The following CSH1 variants were observed in gnomAD, a reference collection of about 807,000 sequenced individuals.
CSH1 encodes the protein chorionic somatomammotropin hormone 1.
Under a neutral mutation model 19.4 loss-of-function variants are expected in CSH1, and 17 were observed. The observed-to-expected ratio is 0.88, with a 90% CI of 0.60 to 1.31. The LOEUF (loss-of-function observed/expected upper bound fraction) is 1.31, where lower values mean the gene tolerates loss of function less well. Ranked by LOEUF, CSH1 falls within the 40% of genes most tolerant of loss-of-function variation. The pLI, the probability that CSH1 is intolerant of heterozygous loss-of-function variation, is 0.00. For synonymous variants in CSH1, 72 were observed against 104.6 expected (o/e 0.69, Z 1.90); for missense variants, 190 against 243.1 (o/e 0.78, Z 1.45).
intron 4 of CSH1, 83 bp from the exon 5 acceptor site, chr17:63,895,302 C>G (rs753320385): frequency 1.2e-6 from 2 of 1,612,744 alleles, no homozygotes; most frequent in South Asian, 1.1e-5. Context: ...TTCCTCCCTC[C>G]CCTTCAGGGT....
Position 63,896,337 on chromosome 17 carries a change from C to T in CSH1, c.11-102G>A, listed in dbSNP as rs552934536. 1.4e-5 allele frequency: 22 copies of T among 1,603,456 alleles called. No individual in the cohort carries two copies. In the African/African-American group the frequency reaches 2.7e-4, roughly 20 times the overall value. On this transcript the variant is annotated intron_variant, in intron 1 of 4. Transcript: ENST00000316193. ...GTTTTTTTTCTCTCTCTCCATCCCT[C>T]CAGAGACCAGGAACATTCAGAGATT... is the stretch of plus-strand genomic sequence containing the variant.
rs759411426 is a variant in CSH1 at position 63,895,126 on chromosome 17, T to C, written c.550A>G (p.Lys184Glu). Residue 184 changes from lysine (K) to glutamate (E), a missense_variant, in exon 5 of 5, where the codon AAG becomes GAG. Around this residue, in one of 3 missense-constraint regions of CSH1, gnomAD observed 175 missense variants for 187.2 expected, o/e 0.93. Transcript: ENST00000316193. ...TNSHNHDALL[K>E]NYGLLYCFRK... ...AAGCAGTAGAGCAGCCCGTAGTTCT[T>C]GAGCAGTGCGTCATGGTTGTGCGAG... 1 of 1,612,798 alleles carries C rather than the reference T, an allele frequency of 6.2e-7. No individual in the cohort carries two copies. Among genetic ancestry groups the C allele is most frequent in the South Asian group, 1.1e-5 (1 of 91,066 alleles).
chr17:63,896,450 T>C (rs372213951), intron 1 of CSH1, 52 bp downstream of exon 1: 15 of 1,611,182 alleles, frequency 9.3e-6, no homozygotes, highest in African/African-American at 1.3e-5. Context: ...TACAGGGCGC[T>C]GCCTCTCCCC....
intron 4 of CSH1, 41 bp from the exon 5 acceptor site, chr17:63,895,260 G>T: frequency 6.2e-7 from 1 of 1,612,824 alleles, no homozygotes; most frequent in South Asian, 1.1e-5. Context: ...AAGCGCTTGG[G>T]CACTGTTCCC....
rs771831985 is a variant in CSH1 at position 63,895,185 on chromosome 17, A to G, written c.491T>C (p.Ile164Thr). The change falls in exon 5 of 5, where the codon ATC becomes ACC. Residue 164 changes from isoleucine to threonine, a missense_variant. Around this residue, in one of 3 missense-constraint regions of CSH1, gnomAD observed 175 missense variants for 187.2 expected, o/e 0.93. Transcript: ENST00000316193. ...AAACTTGCTGTAGGTCTGCTTGAGG[A>G]TCTGCCCAGTCCGGCGGCTGCCGTC... ...LEDGSRRTGQILKQTYSKFDT... is the reference protein window; with the variant it reads ...LEDGSRRTGQTLKQTYSKFDT... 3.7e-5 allele frequency: 60 copies of G among 1,612,556 alleles called. No individual in the cohort carries two copies. The highest frequency in any genetic ancestry group is 4.6e-5 in the Non-Finnish European group (54 of 1,179,542).
rs1906046033 is a variant in CSH1, at chr17:63,895,134, G to GCGT, written c.539_541dup (p.Asp180dup). ...GAGCAGCCCGTAGTTCTTGAGCAGT[G>GCGT]CGTCATGGTTGTGCGAGTTTGTGTC... On this transcript the variant is annotated inframe_insertion, in exon 5 of 5. Coordinates refer to ENST00000316193, the MANE Select transcript of CSH1 (RefSeq NM_001317.6). The GCGT allele has an allele frequency of 6.2e-7, 1 of 1,612,666 alleles. No individual in the cohort carries two copies. Among genetic ancestry groups the GCGT allele is most frequent in the Admixed American group, 1.7e-5 (1 of 59,898 alleles).
rs1441479036 is a variant in CSH1, at chr17:63,895,012, A to T, written c.*10T>A. ...CACTGGGGAGGGGTCACAGGATGCT[A>T]CTCGGGCACCTAGAAGCCACAGCTG... On this transcript the variant is annotated 3_prime_UTR_variant, in exon 5 of 5. Transcript: ENST00000316193. The T allele has an allele frequency of 1.1e-5, 18 of 1,612,784 alleles. 1 individual carries two copies.
chr17:63,895,397 G>C, intron 4 of CSH1, 76 bp downstream of exon 4: 1 of 1,612,882 alleles, frequency 6.2e-7, no homozygotes, highest in Non-Finnish European at 8.5e-7. Flanking sequence ...CTAAAAAGAG[G>C]GCAGCAGTAT....
chr17:63,895,338 C>T (rs370838858), intron 4 of CSH1, 119 bp from the exon 5 acceptor site: 7 of 1,612,620 alleles, frequency 4.3e-6, no homozygotes, highest in Admixed American at 3.3e-5. Context: ...GAGGATTCAC[C>T]AGGCGAAATG....
chr17:63,896,535 G>T lies in CSH1; in HGVS notation c.-24C>A. ...ATTGCCACTAGGTGAGCTGTCCACA[G>T]GACCCTGAGTGGTTCGGGGAGTTGG... On this transcript the variant is annotated 5_prime_UTR_variant, in exon 1 of 5. The change creates a new upstream start codon in the 5' untranslated region. Coordinates refer to ENST00000316193, the MANE Select transcript of CSH1 (RefSeq NM_001317.6). 3 of 1,613,492 alleles carry T rather than the reference G, an allele frequency of 1.9e-6. No homozygotes were observed. Among genetic ancestry groups the T allele is most frequent in the Non-Finnish European group, 2.5e-6 (3 of 1,179,542 alleles).
chr17:63,895,709 A>C lies in CSH1; in HGVS notation c.291+22T>G, dbSNP rs1277937234. 7.8e-6 allele frequency: 9 copies of C among 1,156,122 alleles called. No individual in the cohort carries two copies. In the Admixed American group the frequency reaches 2.7e-4, roughly 34 times the overall value. 71.6% of individuals were successfully genotyped at this position (1,156,122 alleles called of 1,614,324 possible). On this transcript the variant is annotated intron_variant, in intron 3 of 4. Coordinates refer to ENST00000316193, the MANE Select transcript of CSH1 (RefSeq NM_001317.6). ...CCACAGGTCTCCCCCATCCCCGCCT[A>C]GGGGAGACGGCATCCACTCACGGAT...
rs11554678 is a variant in CSH1, at chr17:63,894,996, G to A, written c.*26C>T. The A allele has an allele frequency of 8.1e-6, 13 of 1,612,910 alleles. No homozygotes were observed. In the African/African-American group the frequency reaches 9.4e-5, roughly 12 times the overall value. On this transcript the variant is annotated 3_prime_UTR_variant, in exon 5 of 5. Transcript: ENST00000316193. ...TCAGGGCCAGGAGAGGCACTGGGGA[G>A]GGGTCACAGGATGCTACTCGGGCAC...
At chr17:63,895,287 C>T in intron 4 of CSH1, 68 bp from the exon 5 acceptor site, 1 of 1,612,798 alleles carries the variant, frequency 6.2e-7, no homozygotes. Flanking sequence ...TCTCATTTAT[C>T]CATTTTCCTC....
intron 1 of CSH1, 45 bp downstream of exon 1, chr17:63,896,456 TC>T: frequency 6.2e-7 from 1 of 1,611,590 alleles, no homozygotes; most frequent in Non-Finnish European, 8.5e-7. Flanking sequence ...GCGCTGCCTC[TC>T]CCCTCAGGAC....
intron 4 of CSH1, 29 bp downstream of exon 4, chr17:63,895,444 G>T (rs745397506): frequency 6.2e-7 from 1 of 1,612,948 alleles, no homozygotes; most frequent in Non-Finnish European, 8.5e-7. Flanking sequence ...TGGGGTTCCA[G>T]GATTGGTGAC....
Position 63,895,800 on chromosome 17 carries a change from G to A in CSH1, c.222C>T (p.Ser74=). 4 of 597,808 alleles carry A rather than the reference G, an allele frequency of 6.7e-6. No homozygotes were observed. Among genetic ancestry groups the A allele is most frequent in the South Asian group, 2.0e-5 (1 of 49,098 alleles). 37.0% of individuals were successfully genotyped at this position (597,808 alleles called of 1,614,324 possible). The change falls in exon 3 of 5, where the codon TCC becomes TCT. Residue 74 remains serine (S), a synonymous_variant. Coordinates refer to ENST00000316193, the MANE Select transcript of CSH1 (RefSeq NM_001317.6). ...AGTCTGAGAAGCAGAAGGAGGTCTG[G>A]GAGTCATGCAGGAATGAATACTTCT... ...KDQKYSFLHD[S]QTSFCFSDSI...
rs1313773399 is a variant in CSH1 at position 63,895,763 on chromosome 17, G to C, written c.259C>G (p.Pro87Ala). The change falls in exon 3 of 5, where the codon CCC (proline) becomes GCC (alanine). Residue 87 changes from proline to alanine, a missense_variant. Physicochemically the swap from Pro to Ala is conservative, Grantham distance 27 (BLOSUM62 -1). This residue lies in a region of CSH1 where 175 missense variants were observed against 187.2 expected (regional missense o/e 0.93). Coordinates refer to ENST00000316193, the MANE Select transcript of CSH1 (RefSeq NM_001317.6). ...SFCFSDSIPT[P>A]SNMEETQQKS... The stretch of plus-strand genomic sequence containing the variant: ...TGTTGCGTTTCCTCCATGTTGGAGG[G>C]TGTCGGAATAGAGTCTGAGAAGCAG... 2.6e-6 allele frequency: 2 copies of C among 782,676 alleles called. No individual in the cohort carries two copies. Among genetic ancestry groups the C allele is most frequent in the East Asian group, 5.7e-5 (2 of 35,006 alleles). 48.5% of individuals were successfully genotyped at this position (782,676 alleles called of 1,614,324 possible).
rs569580427 is a variant in CSH1, at chr17:63,895,135, C to T, written c.541G>A (p.Ala181Thr). 34 of 1,612,750 alleles carry T rather than the reference C, an allele frequency of 2.1e-5. 1 individual carries two copies. The South Asian group carries it at 2.7e-4, about 13-fold the overall frequency. ...AGCAGCCCGTAGTTCTTGAGCAGTG[C>T]GTCATGGTTGTGCGAGTTTGTGTCA... Reference protein sequence around the residue: ...KFDTNSHNHDALLKNYGLLYC... With the variant: ...KFDTNSHNHDTLLKNYGLLYC... The change falls in exon 5 of 5, where the codon GCA (alanine) becomes ACA (threonine). Residue 181 changes from alanine (A) to threonine (T), a missense_variant. Physicochemically the swap from Ala to Thr is moderately conservative, Grantham distance 58 (BLOSUM62 0). Transcript: ENST00000316193.
Position 63,894,919 on chromosome 17 carries a change from G to A in CSH1, c.*103C>T, listed in dbSNP as rs1232296179. 2.1e-4 allele frequency: 330 copies of A among 1,585,544 alleles called. 2 individuals carry two copies. The African/African-American group carries it at 3.6e-3, about 17-fold the overall frequency. ...AGAATGACACCTAGTCAGATGAAAT[G>A]ATACAACTTAATTTTATTAGGACAA... On this transcript the variant is annotated 3_prime_UTR_variant, in exon 5 of 5. Coordinates refer to ENST00000316193, the MANE Select transcript of CSH1 (RefSeq NM_001317.6).
Sources: gnomAD v4.1 joint callset for allele counts on GRCh38, gnomAD v4.1.1 for gene constraint, gnomAD v4.1.1 regional missense constraint, MANE v1.5 for transcripts, NCBI Gene and HGNC (gene_info 2026-07-23, HGNC 2026-07-21) for gene names.